Variants in CHD2 observed in about 807,000 individuals in gnomAD.
CHD2 encodes the protein chromodomain helicase DNA binding protein 2.
In CHD2, 28 loss-of-function variants were observed where a neutral mutation model predicts 243.9. The observed-to-expected ratio is 0.11, with a 90% CI of 0.09 to 0.16. The LOEUF is 0.16. CHD2 is among the 10% of genes least tolerant of loss of function. CHD2 has a pLI of 1.00. For synonymous variants in CHD2, 775 were observed against 779.0 expected, an observed-to-expected ratio of 0.99 and a Z score of 0.09; for missense variants, 1,386 against 2,209.8, an observed-to-expected ratio of 0.63 and a Z score of 7.47.
intron 5 of CHD2, among the ~76,000 whole-genome samples, chr15:92,935,625 C>G (rs2053253520): frequency 6.6e-6 from 1 of 152,214 alleles, no homozygotes; most frequent in South Asian, 2.1e-4. Flanking sequence ...TGTAAGCCCC[C>G]TCTGAGGGGT....
chr15:92,927,167 T>A, intron 3 of CHD2, 77 bp from the exon 4 acceptor site: 1 of 1,064,154 alleles, frequency 9.4e-7, no homozygotes, highest in Non-Finnish European at 1.4e-6. Context: ...TTGAATTCTC[T>A]TCAATTGCAA....
chr15:93,021,199 T>C (rs987999984), intron 38 of CHD2: 3 of 152,250 alleles, frequency 2.0e-5, no homozygotes, highest in African/African-American at 4.8e-5. Context: ...TTTTTGGCTT[T>C]ACAGTTTCTT....
intron 34 of CHD2, among the ~76,000 whole-genome samples, chr15:93,008,626 G>A (rs2054352171): frequency 6.6e-6 from 1 of 151,976 alleles, no homozygotes. Context: ...TGTCTTTGTG[G>A]GCTTGTCTCT....
chr15:93,004,861 A>G, intron 34 of CHD2, 110 bp downstream of exon 34: 1 of 1,122,116 alleles, frequency 8.9e-7, no homozygotes, highest in Non-Finnish European at 1.2e-6. Context: ...ATAGTACATT[A>G]CTTGGGAAAC....
intron 5 of CHD2, among the ~76,000 whole-genome samples, chr15:92,933,082 C>A (rs1166076809): frequency 6.7e-6 from 1 of 149,874 alleles, no homozygotes; most frequent in African/African-American, 2.5e-5. Context: ...ACAGGGTCTT[C>A]CTCTATTGGT....
intron 2 of CHD2, among the ~76,000 whole-genome samples, chr15:92,905,994 C>T (rs2052614388): frequency 6.6e-6 from 1 of 152,186 alleles, no homozygotes; most frequent in African/African-American, 2.4e-5. Flanking sequence ...AAGTAGTCAA[C>T]ATTGCAGTTA....
chr15:92,993,184 G>A (rs2054142771), intron 28 of CHD2, 186 bp downstream of exon 28: 1 of 572,318 alleles, frequency 1.7e-6, no homozygotes, highest in Admixed American at 3.1e-5. Flanking sequence ...CACAAATGAA[G>A]TTGATTTGCA....
At chr15:92,980,557 G>T (rs1448858740) in intron 22 of CHD2, among the ~76,000 whole-genome samples, 1 of 152,140 alleles carries the variant, frequency 6.6e-6, no homozygotes, top group African/African-American at 2.4e-5. Context: ...CTATAACATT[G>T]CTAGTCACCT....
intron 4 of CHD2, 96 bp from the exon 5 acceptor site, chr15:92,928,934 G>A (rs2141755145): frequency 8.9e-7 from 1 of 1,127,774 alleles, no homozygotes; most frequent in Non-Finnish European, 1.3e-6. Context: ...ATTGAATAAT[G>A]GTATATTGAG....
At chr15:92,952,201 T>C (rs1379759149) in intron 13 of CHD2, among the ~76,000 whole-genome samples, 1 of 152,150 alleles carries the variant, frequency 6.6e-6, no homozygotes, top group Non-Finnish European at 1.5e-5. Flanking sequence ...TCCATTAATA[T>C]CCTGTTGAAA....
chr15:92,974,852 C>G (rs371468190), intron 19 of CHD2, 27 bp from the exon 20 acceptor site: 58 of 1,607,532 alleles, frequency 3.6e-5, no homozygotes, highest in Non-Finnish European at 4.9e-5. Context: ...TCCTATCTTA[C>G]AGTTTTCTTG....
At position 93,025,047 on chromosome 15, in the gene CHD2, G is replaced by A. The variant is rs2054575652; in HGVS notation, c.*342G>A. 3.9e-6 allele frequency: 1 copy of A among 254,678 alleles called. No homozygotes were observed. Among genetic ancestry groups the A allele is most frequent in the Admixed American group, 5.4e-5 (1 of 18,662 alleles). The allele number at this position is 254,678 out of a possible 1,614,324, so 15.8% of individuals were successfully genotyped here. On this transcript the variant is annotated 3_prime_UTR_variant, in exon 39 of 39. Transcript: ENST00000394196. ...ACAGGGGATCTTCAGAGTCATGAAT[G>A]TTTTCTTGCCAGGGTCAGTGTTCCC...
chr15:93,004,334 T>C (rs1368834169), intron 33 of CHD2, among the ~76,000 whole-genome samples: 2 of 152,202 alleles, frequency 1.3e-5, no homozygotes, highest in African/African-American at 4.8e-5. Flanking sequence ...ATGACATTTC[T>C]GTGCATTTTA....
chr15:92,928,086 A>T (rs2053096892), intron 4 of CHD2, among the ~76,000 whole-genome samples: 1 of 152,212 alleles, frequency 6.6e-6, no homozygotes, highest in Non-Finnish European at 1.5e-5. Context: ...TATATAACGT[A>T]CTTCTGATGA....
chr15:92,982,829 G>A (rs2053996483), intron 24 of CHD2, among the ~76,000 whole-genome samples: 1 of 152,166 alleles, frequency 6.6e-6, no homozygotes. Context: ...AGGATGCAGA[G>A]GATGGGGTAG....
intron 38 of CHD2, chr15:93,021,332 G>A (rs931583601): frequency 6.6e-6 from 1 of 152,000 alleles, no homozygotes; most frequent in Non-Finnish European, 1.5e-5. Context: ...TGATTATGAT[G>A]TGCCTTGGTG....
chr15:93,023,135 T>C (rs2141759054), intron 38 of CHD2, among the ~76,000 whole-genome samples: 1 of 152,328 alleles, frequency 6.6e-6, no homozygotes, highest in Non-Finnish European at 1.5e-5. Context: ...CCAAAACACT[T>C]TCATCAGTCA....
intron 20 of CHD2, chr15:92,978,015 T>G (rs2053932095): frequency 1.9e-6 from 1 of 532,490 alleles, no homozygotes. Context: ...TATTAGAGTC[T>G]ACTCTACTCC....
intron 24 of CHD2, 133 bp downstream of exon 24, chr15:92,981,590 T>G: frequency 1.5e-6 from 1 of 648,406 alleles, no homozygotes; most frequent in South Asian, 2.2e-5. Flanking sequence ...TCAATATTGT[T>G]CTCTGAATTG....
Sources: allele counts gnomAD v4.1 joint callset (sites outside exome capture counted in the v4.1 genomes callset), GRCh38; gene constraint gnomAD v4.1.1; transcripts MANE v1.5; gene names NCBI Gene and HGNC (gene_info 2026-07-23, HGNC 2026-07-21).